The following HACE1 variants were observed in gnomAD, a reference collection of about 807,000 sequenced individuals.
HACE1 encodes the protein E3 ubiquitin-protein ligase HACE1.
In HACE1, 73 loss-of-function variants were observed where a neutral mutation model predicts 118.4. The observed-to-expected ratio is 0.62, with a 90% CI of 0.51 to 0.75. The LOEUF is 0.75. Ranked by LOEUF, HACE1 falls within the 30% of genes least tolerant of loss-of-function variation. HACE1 has a pLI of 0.00. For missense variants in HACE1, 749 were observed against 1,102.2 expected, an observed-to-expected ratio of 0.68 and a Z score of 4.54; for synonymous variants, 368 against 374.8, an observed-to-expected ratio of 0.98 and a Z score of 0.21.
chr6:104,739,428 C>A (rs1421831605), intron 22 of HACE1, among the ~76,000 whole-genome samples: 1 of 151,980 alleles, frequency 6.6e-6, no homozygotes, highest in Non-Finnish European at 1.5e-5. Context: ...ACCCATCTCA[C>A]GTGCAGAGAC....
At chr6:104,775,674 TAC>T (rs1781159661) in intron 17 of HACE1, among the ~76,000 whole-genome samples, 1 of 152,180 alleles carries the variant, frequency 6.6e-6, no homozygotes, top group East Asian at 1.9e-4. Flanking sequence ...AATTAAAGGT[TAC>T]AGAGTTAAAG....
chr6:104,777,531 T>C (rs1202510879), intron 14 of HACE1, among the ~76,000 whole-genome samples: 4 of 152,236 alleles, frequency 2.6e-5, no homozygotes, highest in African/African-American at 7.2e-5. Flanking sequence ...GAAATGTATT[T>C]TTTTAAATTC....
At chr6:104,824,113 G>C (rs1057235965) in intron 6 of HACE1, among the ~76,000 whole-genome samples, 4 of 152,200 alleles carry the variant, frequency 2.6e-5, no homozygotes, top group African/African-American at 9.6e-5. Context: ...TAGTCTGGCT[G>C]TTTCTACTGA....
chr6:104,796,869 T>A, intron 8 of HACE1, 60 bp downstream of exon 8: 1 of 1,156,794 alleles, frequency 8.6e-7, no homozygotes, highest in Non-Finnish European at 1.3e-6. Flanking sequence ...AATAATAATT[T>A]TTACCATTCC....
At chr6:104,816,161 G>A (rs1209359312) in intron 6 of HACE1, among the ~76,000 whole-genome samples, 2 of 152,238 alleles carry the variant, frequency 1.3e-5, no homozygotes, top group East Asian at 3.9e-4. Context: ...ATTTTCTGGG[G>A]AGAAATTCAA....
intron 11 of HACE1, among the ~76,000 whole-genome samples, chr6:104,789,732 T>C (rs914150020): frequency 1.5e-4 from 23 of 152,292 alleles, no homozygotes; most frequent in African/African-American, 4.6e-4. Context: ...CCAATTTGAA[T>C]AATATTGACC....
chr6:104,739,139 G>C (rs1029995937), intron 22 of HACE1, among the ~76,000 whole-genome samples: 7 of 152,008 alleles, frequency 4.6e-5, no homozygotes, highest in Admixed American at 2.0e-4. Flanking sequence ...GTCACCACCA[G>C]GCCTGCCCTA....
chr6:104,731,309 A>G (rs1232139247), intron 22 of HACE1: 2 of 152,122 alleles, frequency 1.3e-5, no homozygotes, highest in Non-Finnish European at 2.9e-5. Context: ...CATACTTGCA[A>G]ACATCTGAAT....
At chr6:104,836,316 G>A (rs556622170) in intron 5 of HACE1, among the ~76,000 whole-genome samples, 1 of 152,302 alleles carries the variant, frequency 6.6e-6, no homozygotes, top group Non-Finnish European at 1.5e-5. Context: ...ACAAAGCTGA[G>A]AGAGACCTTG....
intron 6 of HACE1, among the ~76,000 whole-genome samples, chr6:104,832,409 T>C (rs1234182504): frequency 6.7e-6 from 1 of 148,450 alleles, no homozygotes; most frequent in African/African-American, 2.4e-5. Context: ...GTTGTTGTTG[T>C]TTGATACAGG....
chr6:104,776,609 T>G (rs1400606873), intron 17 of HACE1, 132 bp downstream of exon 17: 1 of 694,608 alleles, frequency 1.4e-6, no homozygotes, highest in Non-Finnish European at 2.6e-6. Flanking sequence ...GAATTTCAGT[T>G]TTCTCATCTA....
intron 22 of HACE1, among the ~76,000 whole-genome samples, chr6:104,743,592 T>A (rs1777071610): frequency 6.6e-6 from 1 of 151,908 alleles, no homozygotes. Flanking sequence ...CTTTCAGAAA[T>A]ACAAGCTAAA....
At chr6:104,740,382 G>C (rs1201688222) in intron 22 of HACE1, among the ~76,000 whole-genome samples, 2 of 151,712 alleles carry the variant, frequency 1.3e-5, no homozygotes, top group Non-Finnish European at 2.9e-5. Flanking sequence ...TCCAGGAGGT[G>C]GTTTTTTGAA....
chr6:104,820,572 C>G (rs1390564096), intron 6 of HACE1, among the ~76,000 whole-genome samples: 1 of 152,086 alleles, frequency 6.6e-6, no homozygotes, highest in East Asian at 1.9e-4. Flanking sequence ...AGGTGGCCAA[C>G]AATCATATGA....
chr6:104,795,454 G>C (rs1362133443), intron 10 of HACE1, 125 bp downstream of exon 10: 10 of 717,146 alleles, frequency 1.4e-5, no homozygotes, highest in Non-Finnish European at 2.5e-5. Flanking sequence ...AAACAAACCA[G>C]AAGTCAGCAA....
intron 18 of HACE1, 87 bp downstream of exon 18, chr6:104,771,838 C>T (rs1780642651): frequency 1.1e-6 from 1 of 942,876 alleles, no homozygotes; most frequent in South Asian, 1.5e-5. Context: ...TTATCTCATC[C>T]AAAATACTAC....
chr6:104,751,955 C>CA (rs397935188), intron 19 of HACE1, among the ~76,000 whole-genome samples: 15,751 of 125,180 alleles, frequency 0.13, 916 homozygotes, highest in Admixed American at 0.18. Context: ...AAAAACCAAA[C>CA]AAAAAAAAAA....
intron 8 of HACE1, 43 bp from the exon 9 acceptor site, chr6:104,796,799 C>CT (rs1562390680): frequency 8.2e-7 from 1 of 1,220,520 alleles, no homozygotes; most frequent in Non-Finnish European, 1.2e-6. Flanking sequence ...AAAACAGTCC[C>CT]TTTTAAAGTT....
chr6:104,821,520 G>A (rs866622854), intron 6 of HACE1, among the ~76,000 whole-genome samples: 7 of 152,142 alleles, frequency 4.6e-5, no homozygotes, highest in Non-Finnish European at 5.9e-5. Context: ...TTAAAACTAT[G>A]TAATGATATA....
Sources: gnomAD v4.1 joint callset for allele counts (sites outside exome capture counted in the v4.1 genomes callset) on GRCh38, gnomAD v4.1.1 for gene constraint, MANE v1.5 for transcripts, NCBI Gene and HGNC (gene_info 2026-07-23, HGNC 2026-07-21) for gene names.